Variants in UMODL1 observed in about 807,000 individuals in gnomAD.
UMODL1 encodes the protein uromodulin like 1.
Under a neutral mutation model 136.3 loss-of-function variants are expected in UMODL1, and 128 were observed. That is an observed-to-expected ratio of 0.94 (90% CI 0.81 to 1.09). The LOEUF is 1.09. UMODL1 is among the 50% of genes least tolerant of loss of function. The probability of loss-of-function intolerance (pLI) is 0.00; values close to 1 mark genes in which losing one functional copy is unlikely to be tolerated. For synonymous variants in UMODL1, 721 were observed against 720.0 expected, an observed-to-expected ratio of 1.00 and a Z score of -0.02; for missense variants, 1,766 against 1,725.6, an observed-to-expected ratio of 1.02 and a Z score of -0.41.
intron 7 of UMODL1, among the ~76,000 whole-genome samples, chr21:42,100,545 C>T (rs993254003): frequency 1.3e-5 from 2 of 152,000 alleles, no homozygotes; most frequent in African/African-American, 4.8e-5. Flanking sequence ...CTGACTCCAC[C>T]TCATCTTCTC....
At chr21:42,140,800 C>T (rs536304449) in intron 22 of UMODL1, among the ~76,000 whole-genome samples, 132 of 152,238 alleles carry the variant, frequency 8.7e-4, no homozygotes, top group African/African-American at 2.9e-3. Context: ...CAGCCACCTC[C>T]GGGGATCCCA....
intron 15 of UMODL1, 74 bp from the exon 16 acceptor site, chr21:42,121,013 C>A: frequency 6.5e-7 from 1 of 1,544,372 alleles, no homozygotes; most frequent in South Asian, 1.3e-5. Context: ...GATGCACTCT[C>A]CCCCAACCAG....
rs1368228822 is a variant in UMODL1 at position 42,127,811 on chromosome 21, C to T, written c.3670C>T (p.Pro1224Ser). ...HCKLRVCMES[P>S]GATCKINCNN... ...CAAACTCCGCGTCTGCATGGAATCC[C>T]CCGGAGCCACGTGCAAAATCGTAAG... The change falls in exon 20 of 23, where the codon CCC becomes TCC. Residue 1224 changes from proline (P) to serine (S), a missense_variant. Transcript: ENST00000408910. The T allele has an allele frequency of 1.9e-6, 3 of 1,612,224 alleles. No homozygotes were observed. The highest frequency in any genetic ancestry group is 4.5e-5 in the East Asian group (2 of 44,882).
At chr21:42,104,283 C>T (rs1297004850) in intron 9 of UMODL1, among the ~76,000 whole-genome samples, 196 bp downstream of exon 9, 1 of 152,162 alleles carries the variant, frequency 6.6e-6, no homozygotes, top group Non-Finnish European at 1.5e-5. Context: ...ATTGGTCAGC[C>T]CAGGACACTG....
chr21:42,104,246 C>T (rs2066682378), intron 9 of UMODL1, among the ~76,000 whole-genome samples, 159 bp downstream of exon 9: 1 of 152,068 alleles, frequency 6.6e-6, no homozygotes. Flanking sequence ...GGGCAGTAGC[C>T]CTGAATAACT....
chr21:42,101,539 C>A (rs921785370), intron 7 of UMODL1, among the ~76,000 whole-genome samples: 8 of 152,194 alleles, frequency 5.3e-5, no homozygotes, highest in Non-Finnish European at 1.0e-4. Context: ...TTGCCGCCGA[C>A]CTGCTCCTGT....
At chr21:42,101,235 G>A (rs956371183) in intron 7 of UMODL1, among the ~76,000 whole-genome samples, 1 of 152,046 alleles carries the variant, frequency 6.6e-6, no homozygotes, top group East Asian at 1.9e-4. Context: ...GAGCCTCCAG[G>A]GAGTCCAATT....
At chr21:42,065,190 G>A (rs2066173501) in intron 1 of UMODL1, among the ~76,000 whole-genome samples, 1 of 152,246 alleles carries the variant, frequency 6.6e-6, no homozygotes, top group African/African-American at 2.4e-5. Flanking sequence ...CTGTTGCGAT[G>A]AGGGCTGGCG....
chr21:42,108,651 G>A (rs1010963712), intron 9 of UMODL1: 10 of 322,102 alleles, frequency 3.1e-5, no homozygotes, highest in Non-Finnish European at 6.2e-5. Context: ...ACGCGCAGAA[G>A]GCACTGTCAC....
intron 21 of UMODL1, among the ~76,000 whole-genome samples, chr21:42,131,686 G>A (rs1477527505): frequency 6.6e-6 from 1 of 152,088 alleles, no homozygotes; most frequent in Non-Finnish European, 1.5e-5. Flanking sequence ...TCAACTGCTG[G>A]TTCTCATTTA....
Position 42,142,193 on chromosome 21 carries a change from T to C in UMODL1, c.*119T>C, listed in dbSNP as rs1462163219. The C allele has an allele frequency of 6.6e-6, 1 of 152,134 alleles. No individual in the cohort carries two copies. Among genetic ancestry groups the C allele is most frequent in the Admixed American group, 6.6e-5 (1 of 15,264 alleles). The allele number at this position is 152,134 out of a possible 1,614,324, so 9.4% of individuals were successfully genotyped here. ...CTCTGCACCTCCACCCATCCCTCGG[T>C]TCTTAACTCTTCAAGCCTTAACGGA... On this transcript the variant is annotated 3_prime_UTR_variant, in exon 23 of 23. Coordinates refer to ENST00000408910, the MANE Select transcript of UMODL1 (RefSeq NM_001004416.3).
chr21:42,111,469 T>C, intron 11 of UMODL1, 37 bp from the exon 12 acceptor site: 1 of 1,613,818 alleles, frequency 6.2e-7, no homozygotes, highest in South Asian at 1.1e-5. Flanking sequence ...GCTTCCCTCC[T>C]GGGGCCACAG....
chr21:42,112,317 G>T (rs895511285), intron 12 of UMODL1, among the ~76,000 whole-genome samples: 2 of 151,278 alleles, frequency 1.3e-5, no homozygotes, highest in Admixed American at 6.6e-5. Flanking sequence ...CTCCCCAGCT[G>T]CTCTGTATCT....
chr21:42,085,438 T>G lies in UMODL1; in HGVS notation c.603+26T>G. 6.2e-7 allele frequency: 1 copy of G among 1,613,200 alleles called. No homozygotes were observed. Among genetic ancestry groups the G allele is most frequent in the South Asian group, 1.1e-5 (1 of 91,062 alleles). On this transcript the variant is annotated intron_variant, in intron 4 of 22. Transcript: ENST00000408910. This position sits in a 1 kb window ranked among gnomAD's most constrained non-coding sequence, Gnocchi z 4.5. ...GTAGGTGAGACAGACGGGGGCTGCC[T>G]GCACCCTCCTTGTGGCAGCTGCTCA... is the stretch of plus-strand genomic sequence containing the variant.
At chr21:42,068,716 T>C (rs1011261807), upstream of UMODL1, among the ~76,000 whole-genome samples, 2 of 152,072 alleles carry the variant, frequency 1.3e-5, no homozygotes, top group East Asian at 3.8e-4. This position sits in a 1 kb window ranked among gnomAD's most constrained non-coding sequence, Gnocchi z 5.5. Flanking sequence ...GCATGAGTGA[T>C]GTGGCATATG....
chr21:42,083,259 G>A (rs940528546), intron 2 of UMODL1, among the ~76,000 whole-genome samples: 9 of 152,310 alleles, frequency 5.9e-5, no homozygotes, highest in South Asian at 2.1e-4. Context: ...ACACCAGGCC[G>A]TTCTTCCCGC....
chr21:42,136,041 G>T (rs1456369639), intron 21 of UMODL1, among the ~76,000 whole-genome samples: 2 of 152,078 alleles, frequency 1.3e-5, no homozygotes, highest in African/African-American at 4.8e-5. Flanking sequence ...GAGGGGACTG[G>T]GTGGTGCAGG....
Position 42,102,277 on chromosome 21 carries a change from A to G in UMODL1, c.1298A>G (p.Glu433Gly), listed in dbSNP as rs200467282. 34 of 1,600,006 alleles carry G rather than the reference A, an allele frequency of 2.1e-5. No homozygotes were observed. The highest frequency in any genetic ancestry group is 3.3e-4 in the Middle Eastern group (2 of 6,036). Residue 433 changes from glutamate (E) to glycine (G), a missense_variant and splice_region_variant, in exon 8 of 23, where the codon GAG becomes GGG. Glu to Gly is a moderately conservative substitution (Grantham distance 98). Coordinates refer to ENST00000408910, the MANE Select transcript of UMODL1 (RefSeq NM_001004416.3). ...GACTTTTCTAGACAACTGCTTCACGAGGTAAAGCCACAATGCAGACAGAAA... is the reference window on the plus strand; with the variant it reads ...GACTTTTCTAGACAACTGCTTCACGGGGTAAAGCCACAATGCAGACAGAAA... ...YQDFSRQLLHEVESSFPPVVS... is the reference protein window; with the variant it reads ...YQDFSRQLLHGVESSFPPVVS...
intron 21 of UMODL1, among the ~76,000 whole-genome samples, chr21:42,133,415 C>T (rs2067158952): frequency 6.6e-6 from 1 of 152,218 alleles, no homozygotes; most frequent in Non-Finnish European, 1.5e-5. Flanking sequence ...CCAGGCTGCT[C>T]ATAACCCACT....
Sources: gnomAD v4.1 joint callset for allele counts (sites outside exome capture counted in the v4.1 genomes callset) on GRCh38, gnomAD v4.1.1 for gene constraint, Gnocchi (gnomAD v3.1) non-coding constraint, MANE v1.5 for transcripts, NCBI Gene and HGNC (gene_info 2026-07-23, HGNC 2026-07-21) for gene names.